FGF12: variants seen among roughly 807,000 people sequenced by gnomAD.
FGF12 encodes the protein fibroblast growth factor 12.
FGF12 carries 14 observed loss-of-function variants against 23.6 expected under a neutral mutation model. The observed-to-expected ratio is 0.59, with a 90% CI of 0.39 to 0.93. The LOEUF (loss-of-function observed/expected upper bound fraction) is 0.93, where lower values mean the gene tolerates loss of function less well. Ranked by LOEUF, FGF12 falls within the 40% of genes least tolerant of loss-of-function variation. The pLI is 0.00. For missense variants in FGF12, 175 were observed against 217.8 expected, an observed-to-expected ratio of 0.80 and a Z score of 1.24; for synonymous variants, 62 against 77.3, an observed-to-expected ratio of 0.80 and a Z score of 1.04.
At chr3:192,632,281 T>A (rs1715417275) in intron 2 of FGF12, among the ~76,000 whole-genome samples, 1 of 152,182 alleles carries the variant, frequency 6.6e-6, no homozygotes, top group Non-Finnish European at 1.5e-5. Context: ...GATATACATA[T>A]TTTACTTATT....
In FGF12 at chr3:192,669,602, T is replaced by TAAAAAAAAAAAAAAAAAA. The variant is rs59897483; in HGVS notation, c.13+57561_13+57578dup. 2.7e-3 allele frequency among the ~76,000 whole-genome samples: 158 copies of TAAAAAAAAAAAAAAAAAA among 59,528 alleles called. 6 individuals are homozygous for TAAAAAAAAAAAAAAAAAA. Among genetic ancestry groups the TAAAAAAAAAAAAAAAAAA allele is most frequent in the Non-Finnish European group, 3.9e-3 (124 of 31,932 alleles). The allele number at this position is 59,528 out of a possible 152,430, so 39.1% of individuals were successfully genotyped here. ...CTGGAGACAGAGAAAGACTCTGTCTTAAAAAAAAAAAAAAAAAAAAAAAAA... is the reference window on the plus strand; with the variant it reads ...CTGGAGACAGAGAAAGACTCTGTCTTAAAAAAAAAAAAAAAAAAAAAAAAAAAAAAAAAAAAAAAAAAA... On this transcript the variant is annotated intron_variant, in intron 2 of 5. Transcript: ENST00000445105.
chr3:192,278,439 C>T (rs565149580), intron 4 of FGF12, among the ~76,000 whole-genome samples: 2 of 152,242 alleles, frequency 1.3e-5, no homozygotes, highest in East Asian at 1.9e-4. Context: ...AGTACACCAA[C>T]GTCAAAATAT....
Position 192,665,783 on chromosome 3 carries a change from A to G in FGF12, c.13+61398T>C, listed in dbSNP as rs78847645. 1.8e-3 allele frequency among the ~76,000 whole-genome samples: 203 copies of G among 113,328 alleles called. 2 individuals are homozygous for G. Among genetic ancestry groups the G allele is most frequent in the African/African-American group, 6.2e-3 (192 of 31,112 alleles). 74.3% of individuals were successfully genotyped at this position (113,328 alleles called of 152,430 possible). ...CATGTATCCCAGAACTTAAAGTAAA[A>G]TTTTTAAAAAAAGAATATGCCTTAT... On this transcript the variant is annotated intron_variant, in intron 2 of 5. Transcript: ENST00000445105.
At chr3:192,474,950 G>A (rs1723277264) in intron 2 of FGF12, among the ~76,000 whole-genome samples, 1 of 151,706 alleles carries the variant, frequency 6.6e-6, no homozygotes, top group Non-Finnish European at 1.5e-5. Context: ...GAGAGTAGGA[G>A]AATTAACAGA....
At chr3:192,290,578 A>G (rs1287022982) in intron 4 of FGF12, among the ~76,000 whole-genome samples, 1 of 152,144 alleles carries the variant, frequency 6.6e-6, no homozygotes, top group Non-Finnish European at 1.5e-5. Flanking sequence ...ATACATGCGA[A>G]ACACCTAGCA....
At chr3:192,323,725 G>A (rs1716666987) in intron 4 of FGF12, among the ~76,000 whole-genome samples, 1 of 152,166 alleles carries the variant, frequency 6.6e-6, no homozygotes, top group Non-Finnish European at 1.5e-5. Flanking sequence ...CACAAAGAAA[G>A]GGTAAGTGTT....
intron 3 of FGF12, among the ~76,000 whole-genome samples, chr3:192,356,263 T>C (rs1191914871): frequency 6.6e-6 from 1 of 152,180 alleles, no homozygotes; most frequent in Non-Finnish European, 1.5e-5. Flanking sequence ...TGCTTCAGTA[T>C]CTCCAGTCTT....
chr3:192,331,964 T>A (rs935876759), intron 4 of FGF12, among the ~76,000 whole-genome samples: 7 of 152,078 alleles, frequency 4.6e-5, no homozygotes, highest in South Asian at 4.1e-4. Flanking sequence ...CAAAAGCAAG[T>A]TCACCATCCG....
chr3:192,710,736 C>T (rs1577134663), intron 2 of FGF12, among the ~76,000 whole-genome samples: 1 of 152,180 alleles, frequency 6.6e-6, no homozygotes, highest in Non-Finnish European at 1.5e-5. Context: ...CTCCACAATC[C>T]CAGGAGAAGA....
chr3:192,560,958 T>C (rs183986828), intron 2 of FGF12, among the ~76,000 whole-genome samples: 1 of 152,238 alleles, frequency 6.6e-6, no homozygotes, highest in East Asian at 1.9e-4. Context: ...TACAACAAAA[T>C]ATTTAGCCAC....
chr3:192,452,136 T>C (rs1722541431), intron 2 of FGF12, among the ~76,000 whole-genome samples: 1 of 152,174 alleles, frequency 6.6e-6, no homozygotes, highest in African/African-American at 2.4e-5. Context: ...GCTATAGGTT[T>C]TTTTGGTACA....
chr3:192,591,919 C>CT (rs1440859978), intron 2 of FGF12, among the ~76,000 whole-genome samples: 3 of 150,916 alleles, frequency 2.0e-5, no homozygotes, highest in South Asian at 2.1e-4. Flanking sequence ...CATTTTTTTT[C>CT]TTTTTTTGCC....
chr3:192,254,440 T>C (rs1040073468), intron 4 of FGF12, among the ~76,000 whole-genome samples: 2 of 151,790 alleles, frequency 1.3e-5, no homozygotes, highest in African/African-American at 4.8e-5. Context: ...CTTAATATTG[T>C]GATGCATTAT....
chr3:192,529,375 C>G (rs1156488841), intron 2 of FGF12, among the ~76,000 whole-genome samples: 1 of 152,220 alleles, frequency 6.6e-6, no homozygotes, highest in Non-Finnish European at 1.5e-5. Context: ...CCACCTCAGC[C>G]TGGATTTCAT....
At chr3:192,390,521 C>G (rs935520030) in intron 2 of FGF12, among the ~76,000 whole-genome samples, 6 of 152,052 alleles carry the variant, frequency 3.9e-5, no homozygotes, top group Admixed American at 6.6e-5. Context: ...GTTGAAACAC[C>G]AGGTAGGAGA....
chr3:192,457,827 G>A (rs1243162710), intron 2 of FGF12, among the ~76,000 whole-genome samples: 4 of 152,082 alleles, frequency 2.6e-5, no homozygotes, highest in Admixed American at 2.0e-4. Context: ...TCCAGGCCAC[G>A]TCACAGATCT....
intron 4 of FGF12, among the ~76,000 whole-genome samples, chr3:192,192,685 A>T (rs956784003): frequency 3.9e-5 from 6 of 151,930 alleles, no homozygotes; most frequent in Non-Finnish European, 7.4e-5. Context: ...AGAACATTTG[A>T]TTTTTACAAA....
chr3:192,624,869 T>C (rs1187748159), intron 2 of FGF12, among the ~76,000 whole-genome samples: 1 of 152,132 alleles, frequency 6.6e-6, no homozygotes. Context: ...TACCCTTCCA[T>C]AGAGCAGCCA....
intron 2 of FGF12, among the ~76,000 whole-genome samples, chr3:192,706,599 T>C (rs766308870): frequency 1.3e-4 from 20 of 152,252 alleles, no homozygotes; most frequent in Non-Finnish European, 2.6e-4. Context: ...TGTCATATAG[T>C]ACAATATCGT....
Sources: allele counts gnomAD v4.1 joint callset (sites outside exome capture counted in the v4.1 genomes callset), GRCh38; gene constraint gnomAD v4.1.1; transcripts MANE v1.5; gene names NCBI Gene and HGNC (gene_info 2026-07-23, HGNC 2026-07-21).